Variants in KCNC2 observed in about 807,000 individuals in gnomAD.
The protein encoded by KCNC2 is voltage-gated potassium channel KCNC2.
Under a neutral mutation model 44.5 loss-of-function variants are expected in KCNC2, and 21 were observed. The ratio of observed to expected loss-of-function variants is 0.47; its 90% CI spans 0.33 to 0.68. KCNC2 has a LOEUF of 0.68. Ranked by LOEUF, KCNC2 falls within the 30% of genes least tolerant of loss-of-function variation. KCNC2 has a pLI of 0.01. For synonymous variants in KCNC2, 391 were observed against 339.1 expected, an observed-to-expected ratio of 1.15 and a Z score of -1.68; for missense variants, 589 against 826.2, an observed-to-expected ratio of 0.71 and a Z score of 3.52.
intron 2 of KCNC2, among the ~76,000 whole-genome samples, chr12:75,206,952 CA>C (rs2137823147): frequency 6.6e-6 from 1 of 152,260 alleles, no homozygotes; most frequent in African/African-American, 2.4e-5. Flanking sequence ...AAAGTTAGAA[CA>C]AAGGAGTGAG....
chr12:75,203,915 T>C (rs1228513738), intron 2 of KCNC2, among the ~76,000 whole-genome samples: 1 of 151,912 alleles, frequency 6.6e-6, no homozygotes, highest in Non-Finnish European at 1.5e-5. Flanking sequence ...TTGGTACCTG[T>C]CCTCTTATAT....
intron 2 of KCNC2, among the ~76,000 whole-genome samples, chr12:75,120,189 T>C (rs1258500926): frequency 6.6e-6 from 1 of 152,218 alleles, no homozygotes; most frequent in Non-Finnish European, 1.5e-5. Context: ...CGTTTTCCAT[T>C]ATCCCCAAAT....
chr12:75,118,966 A>G (rs1238618912), intron 2 of KCNC2, among the ~76,000 whole-genome samples: 1 of 152,342 alleles, frequency 6.6e-6, no homozygotes, highest in African/African-American at 2.4e-5. Flanking sequence ...TTACAAAACA[A>G]GTATGATGCC....
chr12:75,131,404 T>A (rs1382361565), intron 2 of KCNC2, among the ~76,000 whole-genome samples: 2 of 152,200 alleles, frequency 1.3e-5, no homozygotes, highest in African/African-American at 4.8e-5. Context: ...CAGTGGCTTA[T>A]AGCAGTAGGC....
chr12:75,111,954 A>T (rs1887285362), intron 2 of KCNC2, among the ~76,000 whole-genome samples: 2 of 151,746 alleles, frequency 1.3e-5, no homozygotes, highest in African/African-American at 4.8e-5. Flanking sequence ...ATATTCTATT[A>T]AAAAATGAAG....
At chr12:75,201,132 T>G (rs892288326) in intron 2 of KCNC2, among the ~76,000 whole-genome samples, 3 of 150,788 alleles carry the variant, frequency 2.0e-5, no homozygotes. Context: ...GAGATCAATA[T>G]GTGGTTGAGA....
chr12:75,128,237 T>C (rs572291488), intron 2 of KCNC2, among the ~76,000 whole-genome samples: 1 of 152,240 alleles, frequency 6.6e-6, no homozygotes, highest in South Asian at 2.1e-4. Flanking sequence ...ATTGGAGGTG[T>C]AAATTCTTAA....
At chr12:75,102,744 C>A (rs1038503971) in intron 2 of KCNC2, among the ~76,000 whole-genome samples, 1 of 151,902 alleles carries the variant, frequency 6.6e-6, no homozygotes, top group Non-Finnish European at 1.5e-5. Flanking sequence ...GAAAAAAGTA[C>A]GTTCCTACAA....
At chr12:75,110,740 T>C (rs77589924) in intron 2 of KCNC2, among the ~76,000 whole-genome samples, 2,224 of 152,188 alleles carry the variant, frequency 0.015, 20 homozygotes, top group Non-Finnish European at 0.021. Context: ...AATTATAAAA[T>C]ACTTTCTACA....
chr12:75,130,811 A>T (rs936101545), intron 2 of KCNC2, among the ~76,000 whole-genome samples: 14 of 151,792 alleles, frequency 9.2e-5, no homozygotes, highest in African/African-American at 3.1e-4. Flanking sequence ...GCACATGGGC[A>T]TGGTAAAATG....
intron 2 of KCNC2, among the ~76,000 whole-genome samples, chr12:75,194,742 TG>T (rs1231066141): frequency 6.6e-6 from 1 of 152,148 alleles, no homozygotes; most frequent in Non-Finnish European, 1.5e-5. Context: ...GCAGTGGAGT[TG>T]TAAGGAAAAT....
intron 2 of KCNC2, among the ~76,000 whole-genome samples, chr12:75,066,156 T>C (rs1047341164): frequency 1.3e-5 from 2 of 152,176 alleles, no homozygotes; most frequent in African/African-American, 4.8e-5. Context: ...ATTTCATTTA[T>C]TTAGCACTAT....
chr12:75,124,170 A>G (rs1471342934), intron 2 of KCNC2: 1 of 152,220 alleles, frequency 6.6e-6, no homozygotes, highest in Non-Finnish European at 1.5e-5. Context: ...TGTCCTCTGC[A>G]GATCAATGTT....
chr12:75,200,002 C>T (rs979502704), intron 2 of KCNC2, among the ~76,000 whole-genome samples: 5 of 151,420 alleles, frequency 3.3e-5, no homozygotes, highest in African/African-American at 1.2e-4. Context: ...TTTAGGAAGA[C>T]AATAACATGT....
intron 2 of KCNC2, among the ~76,000 whole-genome samples, chr12:75,068,651 C>T (rs1883077479): frequency 6.6e-6 from 1 of 151,970 alleles, no homozygotes; most frequent in South Asian, 2.1e-4. Flanking sequence ...TTTCCAGGAA[C>T]ATTAAAAAAG....
chr12:75,060,817 C>A (rs1882244885), intron 2 of KCNC2, among the ~76,000 whole-genome samples: 1 of 152,062 alleles, frequency 6.6e-6, no homozygotes, highest in Admixed American at 6.6e-5. Context: ...TAATGTGGTC[C>A]TTACCTACCT....
chr12:75,043,619 A>T (rs1366673546), intron 4 of KCNC2: 1 of 1,238,368 alleles, frequency 8.1e-7, no homozygotes. Flanking sequence ...TGAAAAAAAG[A>T]GAAATAAGTA....
intron 2 of KCNC2, among the ~76,000 whole-genome samples, chr12:75,101,274 A>G (rs1249526788): frequency 1.3e-5 from 2 of 151,934 alleles, no homozygotes; most frequent in Non-Finnish European, 2.9e-5. Context: ...TGACCATTAA[A>G]CTTCTTTTCA....
intron 2 of KCNC2, among the ~76,000 whole-genome samples, chr12:75,134,729 A>G (rs1889107809): frequency 6.6e-6 from 1 of 151,972 alleles, no homozygotes. Context: ...TAGATAATGA[A>G]CGACAAAATT....
Sources: allele counts gnomAD v4.1 joint callset (sites outside exome capture counted in the v4.1 genomes callset), GRCh38; gene constraint gnomAD v4.1.1; transcripts MANE v1.5; gene names NCBI Gene and HGNC (gene_info 2026-07-23, HGNC 2026-07-21).